Variants in UTRN observed in about 807,000 individuals in gnomAD.
UTRN encodes utrophin, also known as dystrophin-related protein 1.
A neutral mutation model predicts 463.9 loss-of-function variants in UTRN; 283 were observed. The ratio of observed to expected loss-of-function variants is 0.61; its 90% CI spans 0.55 to 0.67. UTRN has a LOEUF of 0.67. Among genes scored for constraint, UTRN ranks in the 30% least tolerant of loss-of-function variants. UTRN has a pLI of 0.00. For synonymous variants in UTRN, 1,442 were observed against 1,431.5 expected (o/e 1.01, Z -0.17); for missense variants, 3,922 against 4,084.3 (o/e 0.96, Z 1.08).
chr6:144,290,734 C>T (rs1804150869), intron 1 of UTRN, among the ~76,000 whole-genome samples: 1 of 149,004 alleles, frequency 6.7e-6, no homozygotes, highest in Non-Finnish European at 1.5e-5. Flanking sequence ...CTGTGGTCTA[C>T]CTACAAGCCA....
chr6:144,459,328 A>G lies in UTRN; in HGVS notation c.2681A>G (p.Glu894Gly). 6.2e-7 allele frequency: 1 copy of G among 1,607,424 alleles called. No individual in the cohort carries two copies. The highest frequency in any genetic ancestry group is 8.5e-7 in the Non-Finnish European group (1 of 1,177,606). Reference sequence around the variant, plus strand: ...TACCAAGCTGTACAAGAGGCTGTAGAGGATCGTCAACAACATCTAGAGAAT... The same window carrying G: ...TACCAAGCTGTACAAGAGGCTGTAGGGGATCGTCAACAACATCTAGAGAAT... ...GRYQAVQEAV[E>G]DRQQHLENEL... Residue 894 changes from glutamate (E) to glycine (G), a missense_variant, in exon 21 of 75, where the codon GAG (glutamate) becomes GGG (glycine). This residue lies in a region of UTRN where 2,349 missense variants were observed against 2,303.8 expected (regional missense o/e 1.02). Transcript: ENST00000367545.
chr6:144,579,813 A>T (rs543671115), intron 51 of UTRN, among the ~76,000 whole-genome samples: 9 of 152,312 alleles, frequency 5.9e-5, no homozygotes, highest in African/African-American at 1.9e-4. Context: ...GACATTTACT[A>T]AGAGTCCACT....
chr6:144,681,157 T>C (rs751467354), intron 52 of UTRN, among the ~76,000 whole-genome samples: 1 of 152,120 alleles, frequency 6.6e-6, no homozygotes, highest in Non-Finnish European at 1.5e-5. Context: ...GTTAAGACAC[T>C]GGTGAGACAT....
At chr6:144,522,736 A>G (rs1288636504) in intron 40 of UTRN, among the ~76,000 whole-genome samples, 1 of 152,170 alleles carries the variant, frequency 6.6e-6, no homozygotes, top group Non-Finnish European at 1.5e-5. Context: ...CTCATTACCT[A>G]TAGAGAATGT....
Position 144,767,618 on chromosome 6 carries a change from A to T in UTRN, c.8496-4289A>T, listed in dbSNP as rs9390214. ...CAAGTCATAGAATTGTAATCCAAAT[A>T]GAATTTACACATAGAAAAAGTTTAT... On this transcript the variant is annotated intron_variant, in intron 58 of 74. Transcript: ENST00000367545. Among the ~76,000 whole-genome samples the T allele has an allele frequency of 3.3e-3, 503 of 152,290 alleles. 19 individuals carry two copies. The East Asian group carries it at 0.078, about 24-fold the overall frequency.
At chr6:144,558,038 T>C (rs1416068478) in intron 50 of UTRN, among the ~76,000 whole-genome samples, 1 of 152,212 alleles carries the variant, frequency 6.6e-6, no homozygotes, top group Non-Finnish European at 1.5e-5. Flanking sequence ...ATTACGCACA[T>C]CTTTATTAAA....
rs2128558248 is a variant in UTRN, at chr6:144,453,803, G to A, written c.2218G>A (p.Glu740Lys). 6.2e-7 allele frequency: 1 copy of A among 1,613,324 alleles called. No individual in the cohort carries two copies. The highest frequency in any genetic ancestry group is 1.3e-5 in the African/African-American group (1 of 75,018). Residue 740 changes from glutamate (E) to lysine (K), a missense_variant, in exon 19 of 75, where the codon GAA (glutamate) becomes AAA (lysine). Transcript: ENST00000367545. ...KLKALEKEQRERIPRADELNQ... is the reference protein window; with the variant it reads ...KLKALEKEQRKRIPRADELNQ... The stretch of plus-strand genomic sequence containing the variant: ...GCAGGCATTAGAAAAAGAACAGAGA[G>A]AAAGAATCCCCAGAGCAGATGAATT...
At chr6:144,547,708 A>G (rs1798533972) in intron 46 of UTRN, among the ~76,000 whole-genome samples, 1 of 152,180 alleles carries the variant, frequency 6.6e-6, no homozygotes, top group Non-Finnish European at 1.5e-5. Flanking sequence ...AGTCTATAAT[A>G]TACTGAGTTA....
chr6:144,726,599 C>T (rs1278633625), intron 53 of UTRN, among the ~76,000 whole-genome samples: 1 of 152,126 alleles, frequency 6.6e-6, no homozygotes, highest in Non-Finnish European at 1.5e-5. Context: ...GAAATGTCAC[C>T]TCTTTTGCAT....
At chr6:144,681,193 A>C (rs1030677786) in intron 52 of UTRN, among the ~76,000 whole-genome samples, 1 of 152,188 alleles carries the variant, frequency 6.6e-6, no homozygotes, top group Non-Finnish European at 1.5e-5. Context: ...CAAAGCCATT[A>C]GATGGAGATC....
At chr6:144,698,596 G>C (rs1466521470) in intron 52 of UTRN, among the ~76,000 whole-genome samples, 1 of 152,214 alleles carries the variant, frequency 6.6e-6, no homozygotes, top group African/African-American at 2.4e-5. Flanking sequence ...GATGATGCAG[G>C]ATTGAGTCAA....
intron 2 of UTRN, among the ~76,000 whole-genome samples, chr6:144,395,247 A>G (rs1433226200): frequency 6.6e-6 from 1 of 152,124 alleles, no homozygotes; most frequent in East Asian, 1.9e-4. Context: ...TTGTTCTATG[A>G]CATTTCTAGC....
At chr6:144,543,744 T>C (rs1391205383) in intron 46 of UTRN, among the ~76,000 whole-genome samples, 1 of 152,164 alleles carries the variant, frequency 6.6e-6, no homozygotes, top group Non-Finnish European at 1.5e-5. Context: ...CCTCTTATTT[T>C]TCTTTTCTTT....
chr6:144,425,269 G>A (rs535291709), intron 6 of UTRN, among the ~76,000 whole-genome samples: 1 of 152,298 alleles, frequency 6.6e-6, no homozygotes, highest in Non-Finnish European at 1.5e-5. Flanking sequence ...CGTCACAAAA[G>A]TGACGTGAGT....
At chr6:144,822,179 A>T (rs1453234958) in intron 66 of UTRN, among the ~76,000 whole-genome samples, 4 of 152,116 alleles carry the variant, frequency 2.6e-5, no homozygotes, top group African/African-American at 9.7e-5. Flanking sequence ...AGAAGAATAC[A>T]GTATTTGGTC....
intron 1 of UTRN, among the ~76,000 whole-genome samples, chr6:144,288,684 A>C (rs1266303575): frequency 6.6e-6 from 1 of 152,092 alleles, no homozygotes; most frequent in Non-Finnish European, 1.5e-5. Flanking sequence ...AAAATGAAAA[A>C]AGTTTTTTAG....
chr6:144,764,984 C>T lies in UTRN; in HGVS notation c.8496-6923C>T, dbSNP rs1218696865. Among the ~76,000 whole-genome samples, 17 of 151,122 alleles carry T rather than the reference C, an allele frequency of 1.1e-4. 1 individual carries two copies. The highest frequency in any genetic ancestry group is 5.9e-4 in the East Asian group (3 of 5,068). On this transcript the variant is annotated intron_variant, in intron 58 of 74. Transcript: ENST00000367545. ...CAGGGCCAATGCAACAACAAATGAC[C>T]TACAGGAATTTGGCTGATGGTCTGA...
intron 3 of UTRN, among the ~76,000 whole-genome samples, chr6:144,419,655 A>C (rs994914025): frequency 1.8e-4 from 27 of 152,204 alleles, no homozygotes; most frequent in Non-Finnish European, 7.3e-5. Flanking sequence ...CCTGAATCTG[A>C]ATGTTTTAAA....
At chr6:144,687,930 C>T (rs561140524) in intron 52 of UTRN, among the ~76,000 whole-genome samples, 1 of 152,204 alleles carries the variant, frequency 6.6e-6, no homozygotes, top group South Asian at 2.1e-4. Context: ...TCAGTTATTT[C>T]CTCAAATAAG....
Sources: gnomAD v4.1 joint callset for allele counts (sites outside exome capture counted in the v4.1 genomes callset) on GRCh38, gnomAD v4.1.1 for gene constraint, gnomAD v4.1.1 regional missense constraint, MANE v1.5 for transcripts, NCBI Gene and HGNC (gene_info 2026-07-23, HGNC 2026-07-21) for gene names.